ADAMTS18: variants seen among roughly 807,000 people sequenced by gnomAD.
ADAMTS18 encodes ADAM metallopeptidase with thrombospondin type 1 motif 18.
ADAMTS18 carries 157 observed loss-of-function variants against 165.9 expected under a neutral mutation model. The observed-to-expected ratio is 0.95, with a 90% CI of 0.83 to 1.08. The LOEUF (loss-of-function observed/expected upper bound fraction) is 1.08, where lower values mean the gene tolerates loss of function less well. Ranked by LOEUF, ADAMTS18 falls within the 50% of genes least tolerant of loss-of-function variation. The probability of loss-of-function intolerance (pLI) is 0.00; values close to 1 mark genes in which losing one functional copy is unlikely to be tolerated. For missense variants in ADAMTS18, 2,040 were observed against 1,534.0 expected, an observed-to-expected ratio of 1.33 and a Z score of -5.51; for synonymous variants, 782 against 578.2, an observed-to-expected ratio of 1.35 and a Z score of -5.06.
At chr16:77,297,453 GATT>G (rs1364889348) in intron 17 of ADAMTS18, 38 bp from the exon 18 acceptor site, 3 of 1,585,736 alleles carry the variant, frequency 1.9e-6, no homozygotes, top group Non-Finnish European at 2.6e-6. Context: ...GAAAATTACA[GATT>G]ATTATTTCAA....
chr16:77,301,438 C>A (rs1048903603), intron 16 of ADAMTS18, among the ~76,000 whole-genome samples: 4 of 152,242 alleles, frequency 2.6e-5, no homozygotes, highest in African/African-American at 7.2e-5. Flanking sequence ...TTAATGCCCT[C>A]TTAACTACTC....
intron 22 of ADAMTS18, among the ~76,000 whole-genome samples, chr16:77,287,308 C>T (rs2055273099): frequency 1.3e-5 from 2 of 152,152 alleles, no homozygotes; most frequent in South Asian, 4.2e-4. Context: ...ACTCAAACGA[C>T]ATTCATAGTA....
chr16:77,289,897 G>A (rs1045267502), intron 21 of ADAMTS18, among the ~76,000 whole-genome samples: 1 of 152,062 alleles, frequency 6.6e-6, no homozygotes, highest in African/African-American at 2.4e-5. Context: ...TGACAGAGTT[G>A]GTGCTTCTTA....
At chr16:77,339,385 A>T (rs559036987) in intron 11 of ADAMTS18, among the ~76,000 whole-genome samples, 1 of 152,092 alleles carries the variant, frequency 6.6e-6, no homozygotes, top group Non-Finnish European at 1.5e-5. Context: ...AGTTGTATCA[A>T]GACATTTGTT....
chr16:77,423,673 C>T (rs2057633307), intron 3 of ADAMTS18, among the ~76,000 whole-genome samples: 1 of 152,146 alleles, frequency 6.6e-6, no homozygotes, highest in Non-Finnish European at 1.5e-5. Context: ...TATGCTGCTT[C>T]ATCATACATG....
chr16:77,351,414 T>A (rs886754276), intron 10 of ADAMTS18, among the ~76,000 whole-genome samples: 2 of 152,142 alleles, frequency 1.3e-5, no homozygotes, highest in Admixed American at 6.5e-5. Context: ...CAGAAAGCAA[T>A]CTATAATTTA....
At chr16:77,337,249 C>T (rs1018385913) in intron 11 of ADAMTS18, among the ~76,000 whole-genome samples, 2 of 152,142 alleles carry the variant, frequency 1.3e-5, no homozygotes, top group Non-Finnish European at 2.9e-5. Context: ...AAGCATGCAT[C>T]TTTTCTACCG....
At chr16:77,356,493 A>T (rs1212648742) in intron 8 of ADAMTS18, among the ~76,000 whole-genome samples, 1 of 152,196 alleles carries the variant, frequency 6.6e-6, no homozygotes, top group African/African-American at 2.4e-5. Context: ...AAGTACAGAG[A>T]GATGATGATT....
At chr16:77,284,296 T>A (rs753340635) in intron 22 of ADAMTS18, among the ~76,000 whole-genome samples, 4 of 151,978 alleles carry the variant, frequency 2.6e-5, no homozygotes, top group Non-Finnish European at 4.4e-5. Flanking sequence ...CAGCTAATTT[T>A]TGTATTTTTA....
intron 16 of ADAMTS18, among the ~76,000 whole-genome samples, chr16:77,316,230 A>G (rs891923882): frequency 1.3e-5 from 2 of 150,324 alleles, no homozygotes; most frequent in African/African-American, 2.5e-5. Context: ...TGCCTCTCCA[A>G]TCACTTATTT....
rs2056165790 is a variant in ADAMTS18, at chr16:77,330,227, G to C, written c.1860-4189C>G. Among the ~76,000 whole-genome samples, 3 of 152,298 alleles carry C rather than the reference G, an allele frequency of 2.0e-5. No individual in the cohort carries two copies. The South Asian group carries it at 6.2e-4, about 32-fold the overall frequency. ...TAACTCCATGAGCTAAGTTGTGTTA[G>C]AGTTAGCAGACAATTCTTTCTCAAA... On this transcript the variant is annotated intron_variant, in intron 12 of 22. Coordinates refer to ENST00000282849, the MANE Select transcript of ADAMTS18 (RefSeq NM_199355.4).
intron 10 of ADAMTS18, among the ~76,000 whole-genome samples, chr16:77,349,812 A>G (rs1238289079): frequency 6.6e-6 from 1 of 152,174 alleles, no homozygotes; most frequent in African/African-American, 2.4e-5. Context: ...TCCTTCCAAT[A>G]CAATGCTCTC....
chr16:77,375,890 C>CTTTTTCTTTTTTTT (rs2056943562), intron 3 of ADAMTS18, among the ~76,000 whole-genome samples: 1 of 93,904 alleles, frequency 1.1e-5, no homozygotes, highest in Non-Finnish European at 2.1e-5. Context: ...TCTTTCTTTC[C>CTTTTTCTTTTTTTT]TTTTTTTTTT....
intron 4 of ADAMTS18, among the ~76,000 whole-genome samples, chr16:77,364,772 C>A (rs537781433): frequency 3.0e-5 from 4 of 134,498 alleles, no homozygotes; most frequent in African/African-American, 1.1e-4. Context: ...AAAAGGAAAG[C>A]AAAGGAAAGC....
intron 18 of ADAMTS18, among the ~76,000 whole-genome samples, chr16:77,296,922 T>A (rs1172407454): frequency 6.6e-6 from 1 of 152,168 alleles, no homozygotes; most frequent in East Asian, 1.9e-4. Context: ...GTCAAGTGAG[T>A]ACCAAAAGTA....
rs767997537 is a variant in ADAMTS18, at chr16:77,349,524, T to TAAAAAAAAAAAAAAAAA, written c.1614+4192_1614+4208dup. 2.8e-5 allele frequency among the ~76,000 whole-genome samples: 2 copies of TAAAAAAAAAAAAAAAAA among 71,518 alleles called. 1 individual carries two copies. 46.9% of individuals were successfully genotyped at this position (71,518 alleles called of 152,430 possible). On this transcript the variant is annotated intron_variant, in intron 10 of 22. Transcript: ENST00000282849. ...CCCCATTTGTTTATGTCATCTTATG[T>TAAAAAAAAAAAAAAAAA]AAAAAAAAAAAAAAAAAAAAAAAAG...
At chr16:77,421,024 G>A (rs368965189) in intron 3 of ADAMTS18, among the ~76,000 whole-genome samples, 2 of 152,116 alleles carry the variant, frequency 1.3e-5, no homozygotes, top group Admixed American at 6.5e-5. Flanking sequence ...TTCAAGTGCC[G>A]TCTCTCAAAT....
intron 12 of ADAMTS18, among the ~76,000 whole-genome samples, chr16:77,334,365 T>C (rs182820775): frequency 1.3e-4 from 14 of 109,040 alleles, no homozygotes; most frequent in Non-Finnish European, 2.0e-4. Context: ...TACATATTTA[T>C]ATTATATATA....
Position 77,319,877 on chromosome 16 carries a change from C to T in ADAMTS18, c.2504G>A (p.Gly835Glu). The change falls in exon 16 of 23, where the codon GGG becomes GAG. Residue 835 changes from glycine to glutamate, a missense_variant. By Grantham distance (98) the Gly-to-Glu change is moderately conservative. Transcript: ENST00000282849. ...AAAGACCAGCGTCTCATTTGTGGGC[C>T]CTGGCGCGTACAGACGTTCCGGGCG... ...FNRPERLYAP[G>E]PTNETLVFEI... 6.2e-7 allele frequency: 1 copy of T among 1,614,140 alleles called. No homozygotes were observed. The highest frequency in any genetic ancestry group is 2.2e-5 in the East Asian group (1 of 44,876).
Sources: allele counts gnomAD v4.1 joint callset (sites outside exome capture counted in the v4.1 genomes callset), GRCh38; gene constraint gnomAD v4.1.1; transcripts MANE v1.5; gene names NCBI Gene and HGNC (gene_info 2026-07-23, HGNC 2026-07-21).